Variants in AFG1L observed in about 807,000 individuals in gnomAD.
AFG1L encodes the protein AFG1 like ATPase.
A neutral mutation model predicts 62.2 loss-of-function variants in AFG1L; 53 were observed. The ratio of observed to expected loss-of-function variants is 0.85; its 90% CI spans 0.68 to 1.07. The LOEUF is 1.07. AFG1L is among the 50% of genes least tolerant of loss of function. The pLI is 0.00. For synonymous variants in AFG1L, 228 were observed against 210.3 expected (o/e 1.08, Z -0.73); for missense variants, 555 against 590.5 (o/e 0.94, Z 0.62).
intron 6 of AFG1L, among the ~76,000 whole-genome samples, chr6:108,373,252 G>C (rs190875189): frequency 6.6e-6 from 1 of 151,954 alleles, no homozygotes; most frequent in African/African-American, 2.4e-5. Context: ...ATGAGTACCC[G>C]ATGTCTAGCT....
intron 8 of AFG1L, among the ~76,000 whole-genome samples, chr6:108,459,503 T>C (rs1772375378): frequency 6.6e-6 from 1 of 152,226 alleles, no homozygotes; most frequent in Admixed American, 6.5e-5. Context: ...TAGGTAACTC[T>C]GGGCCCTCTT....
intron 8 of AFG1L, among the ~76,000 whole-genome samples, chr6:108,454,024 C>T (rs1202707386): frequency 6.6e-6 from 1 of 152,184 alleles, no homozygotes; most frequent in African/African-American, 2.4e-5. Context: ...TGCTAGACTG[C>T]CCAGAGTCCT....
At chr6:108,471,059 C>T (rs1772869074) in intron 8 of AFG1L, among the ~76,000 whole-genome samples, 1 of 152,028 alleles carries the variant, frequency 6.6e-6, no homozygotes, top group Non-Finnish European at 1.5e-5. Context: ...GAATCTTGGT[C>T]GACCAGCATC....
intron 2 of AFG1L, among the ~76,000 whole-genome samples, chr6:108,328,473 C>T (rs142093945): frequency 2.1e-3 from 325 of 152,242 alleles, no homozygotes; most frequent in African/African-American, 7.4e-3. Context: ...TGGCTCACTG[C>T]GGCCTCGACC....
intron 1 of AFG1L, among the ~76,000 whole-genome samples, chr6:108,300,333 G>C (rs1415610849): frequency 6.6e-6 from 1 of 152,036 alleles, no homozygotes; most frequent in Non-Finnish European, 1.5e-5. Context: ...TGTATTTTTA[G>C]TAGAGACAGG....
chr6:108,360,269 G>C (rs966375619), intron 5 of AFG1L, among the ~76,000 whole-genome samples: 2 of 152,102 alleles, frequency 1.3e-5, no homozygotes, highest in African/African-American at 4.8e-5. Context: ...GCTTCCTACT[G>C]TTCCCAATAC....
At chr6:108,408,125 C>CTT (rs772126137) in intron 7 of AFG1L, among the ~76,000 whole-genome samples, 1 of 133,158 alleles carries the variant, frequency 7.5e-6, no homozygotes, top group Non-Finnish European at 1.6e-5. Context: ...CTTTTTGAGG[C>CTT]TTTTTTTTTT....
At chr6:108,471,468 CTTTTTTTT>C (rs56375345) in intron 8 of AFG1L, among the ~76,000 whole-genome samples, 4 of 100,348 alleles carry the variant, frequency 4.0e-5, no homozygotes, top group South Asian at 3.3e-4. Flanking sequence ...TGTTCTTCTT[CTTTTTTTT>C]TTTTTTTTTT....
At chr6:108,411,428 G>A (rs906937282) in intron 7 of AFG1L, among the ~76,000 whole-genome samples, 12 of 152,158 alleles carry the variant, frequency 7.9e-5, no homozygotes, top group African/African-American at 2.7e-4. Flanking sequence ...CTCCCAGCAC[G>A]GAGTTTGAGA....
At chr6:108,418,635 A>G (rs1770441121) in intron 7 of AFG1L, among the ~76,000 whole-genome samples, 2 of 152,346 alleles carry the variant, frequency 1.3e-5, no homozygotes, top group South Asian at 4.1e-4. Flanking sequence ...TGAGTGAACC[A>G]AAAGCAAAGA....
intron 5 of AFG1L, among the ~76,000 whole-genome samples, chr6:108,361,669 A>T (rs2114481586): frequency 6.6e-6 from 1 of 152,272 alleles, no homozygotes; most frequent in Non-Finnish European, 1.5e-5. Flanking sequence ...TCTACTTTTA[A>T]TGCCTAGGCA....
chr6:108,383,927 A>G (rs778375741), intron 6 of AFG1L, among the ~76,000 whole-genome samples: 2 of 152,198 alleles, frequency 1.3e-5, no homozygotes, highest in Non-Finnish European at 2.9e-5. Flanking sequence ...GGGAATATAA[A>G]TGGGTTGAGT....
chr6:108,472,629 T>TA (rs1772940992), intron 8 of AFG1L, among the ~76,000 whole-genome samples: 1 of 152,148 alleles, frequency 6.6e-6, no homozygotes, highest in African/African-American at 2.4e-5. Flanking sequence ...CATTTGTTAT[T>TA]ACTTGTTAAA....
intron 6 of AFG1L, 129 bp downstream of exon 6, chr6:108,366,461 A>G (rs1159464905): frequency 1.9e-6 from 1 of 531,974 alleles, no homozygotes; most frequent in East Asian, 2.9e-5. Context: ...TAGTTTTATA[A>G]CTGGCTTAAT....
chr6:108,430,701 A>G (rs1771035150), intron 7 of AFG1L, among the ~76,000 whole-genome samples: 1 of 152,144 alleles, frequency 6.6e-6, no homozygotes, highest in Admixed American at 6.5e-5. Context: ...TGCCCTTGTT[A>G]TTTTTATTCT....
rs536120670 is a variant in AFG1L, at chr6:108,442,513, G to A, written c.808-4701G>A. On this transcript the variant is annotated intron_variant, in intron 7 of 12. Coordinates refer to ENST00000368977, the MANE Select transcript of AFG1L (RefSeq NM_145315.5). ...GGACAACTTGGAGTGATGAGCTAGG[G>A]ATATCTGTATAGAGACTCCAACAGG... Among the ~76,000 whole-genome samples the A allele has an allele frequency of 3.9e-4, 59 of 152,180 alleles. No homozygotes were observed. The South Asian group carries it at 0.011, about 29-fold the overall frequency.
chr6:108,384,843 C>T (rs1780696493), intron 6 of AFG1L, among the ~76,000 whole-genome samples: 1 of 151,870 alleles, frequency 6.6e-6, no homozygotes, highest in African/African-American at 2.4e-5. Flanking sequence ...ATGGAGATAA[C>T]AGAGGAAAGG....
intron 7 of AFG1L, among the ~76,000 whole-genome samples, chr6:108,415,305 C>T (rs1426377668): frequency 6.6e-6 from 1 of 152,176 alleles, no homozygotes; most frequent in Non-Finnish European, 1.5e-5. Flanking sequence ...ATTCCATGCT[C>T]ATGGATAGGA....
At chr6:108,468,759 C>CTT (rs34963344) in intron 8 of AFG1L, among the ~76,000 whole-genome samples, 3,042 of 138,778 alleles carry the variant, frequency 0.022, 95 homozygotes, top group African/African-American at 0.077. Context: ...TTCTATTTTC[C>CTT]TTTTTTTTTT....
Sources: allele counts gnomAD v4.1 joint callset (sites outside exome capture counted in the v4.1 genomes callset), GRCh38; gene constraint gnomAD v4.1.1; transcripts MANE v1.5; gene names NCBI Gene and HGNC (gene_info 2026-07-23, HGNC 2026-07-21).